Variants in FOXP2 observed in about 807,000 individuals in gnomAD.
FOXP2 encodes forkhead box P2.
In FOXP2, 12 loss-of-function variants were observed where a neutral mutation model predicts 115.8. The observed-to-expected ratio is 0.10, with a 90% CI of 0.07 to 0.17. The LOEUF is 0.17. FOXP2 is among the 10% of genes least tolerant of loss of function. The probability of loss-of-function intolerance (pLI) is 1.00; values close to 1 mark genes in which losing one functional copy is unlikely to be tolerated. For synonymous variants in FOXP2, 328 were observed against 297.7 expected, an observed-to-expected ratio of 1.10 and a Z score of -1.05; for missense variants, 629 against 843.5, an observed-to-expected ratio of 0.75 and a Z score of 3.15.
intron 2 of FOXP2, among the ~76,000 whole-genome samples, chr7:114,454,629 A>G (rs1795211378): frequency 7.3e-6 from 1 of 136,274 alleles, no homozygotes; most frequent in Non-Finnish European, 1.6e-5. Context: ...CAAATGTCCA[A>G]CAATGATAGA....
intron 3 of FOXP2, among the ~76,000 whole-genome samples, chr7:114,536,348 G>C (rs1799390738): frequency 6.7e-6 from 1 of 149,074 alleles, no homozygotes. Context: ...TATATTGCTG[G>C]TTACCAGGGT....
At chr7:114,264,793 G>A (rs1402281985) in intron 1 of FOXP2, among the ~76,000 whole-genome samples, 5 of 152,112 alleles carry the variant, frequency 3.3e-5, no homozygotes, top group African/African-American at 1.2e-4. Context: ...ACTCATGGGG[G>A]AAGGCGAAGC....
chr7:114,604,464 A>T (rs1803202063), intron 3 of FOXP2, among the ~76,000 whole-genome samples: 1 of 152,152 alleles, frequency 6.6e-6, no homozygotes, highest in African/African-American at 2.4e-5. Flanking sequence ...GTTGTTTTGG[A>T]TGGAGGGACA....
intron 2 of FOXP2, among the ~76,000 whole-genome samples, chr7:114,375,547 T>C (rs1792118179): frequency 6.6e-6 from 1 of 152,162 alleles, no homozygotes; most frequent in South Asian, 2.1e-4. Context: ...CCTCAAAACT[T>C]TGAGGCTTAA....
intron 2 of FOXP2, among the ~76,000 whole-genome samples, chr7:114,522,938 A>G (rs542451436): frequency 5.3e-5 from 8 of 152,060 alleles, no homozygotes; most frequent in African/African-American, 1.9e-4. Context: ...TTCATACTTT[A>G]CCTTACAAAC....
At chr7:114,318,710 C>CATATATATATATATATATATATAT (rs144291161) in intron 2 of FOXP2, among the ~76,000 whole-genome samples, 19 of 147,364 alleles carry the variant, frequency 1.3e-4, no homozygotes, top group African/African-American at 4.5e-4. Flanking sequence ...TTAGATAATT[C>CATATATATATATATATATATATAT]ATATATATAT....
chr7:114,300,649 G>T (rs998301298), intron 2 of FOXP2, among the ~76,000 whole-genome samples: 1 of 151,902 alleles, frequency 6.6e-6, no homozygotes, highest in East Asian at 1.9e-4. Flanking sequence ...TAGTAATAAC[G>T]ATTTAATATA....
At chr7:114,685,045 A>C (rs1487441185) in intron 16 of FOXP2, among the ~76,000 whole-genome samples, 1 of 152,068 alleles carries the variant, frequency 6.6e-6, no homozygotes, top group Non-Finnish European at 1.5e-5. Flanking sequence ...AACACTGATA[A>C]ACATCTCTTA....
At chr7:114,272,357 A>G (rs1728436) in intron 1 of FOXP2, among the ~76,000 whole-genome samples, 95,931 of 151,284 alleles carry the variant, frequency 0.63, 31,469 homozygotes, top group Middle Eastern at 0.81. Flanking sequence ...TTCTTGTAAT[A>G]TCTTTGGTTT....
At chr7:114,240,562 T>A (rs1335151809) in intron 1 of FOXP2, among the ~76,000 whole-genome samples, 2 of 152,072 alleles carry the variant, frequency 1.3e-5, no homozygotes, top group African/African-American at 4.8e-5. Flanking sequence ...ATTGTGTGCA[T>A]CATGATGTGA....
chr7:114,343,982 C>A (rs1435904221), intron 2 of FOXP2, among the ~76,000 whole-genome samples: 2 of 138,422 alleles, frequency 1.4e-5, no homozygotes, highest in Non-Finnish European at 3.2e-5. Context: ...GATTTTTGCA[C>A]ATTAATTTTT....
intron 2 of FOXP2, among the ~76,000 whole-genome samples, chr7:114,382,698 G>A (rs1792338128): frequency 6.6e-6 from 1 of 151,886 alleles, no homozygotes; most frequent in Non-Finnish European, 1.5e-5. Flanking sequence ...TTTTGCTCTG[G>A]GCCTAAGGCA....
intron 2 of FOXP2, among the ~76,000 whole-genome samples, chr7:114,291,864 TAATATATAGATAATATATAG>T: frequency 7.5e-6 from 1 of 132,482 alleles, no homozygotes; most frequent in Non-Finnish European, 1.6e-5. Flanking sequence ...ATTTTATATA[TAATATATAGATAATATATAG>T]AATATATATT....
At chr7:114,318,256 T>G (rs1797320768) in intron 2 of FOXP2, among the ~76,000 whole-genome samples, 1 of 152,100 alleles carries the variant, frequency 6.6e-6, no homozygotes, top group Admixed American at 6.6e-5. Context: ...CTGGAAATGC[T>G]TCTCCTGGAT....
At chr7:114,331,206 A>C (rs1367030421) in intron 2 of FOXP2, among the ~76,000 whole-genome samples, 1 of 152,210 alleles carries the variant, frequency 6.6e-6, no homozygotes, top group Non-Finnish European at 1.5e-5. Context: ...AACTGTAAAC[A>C]TGTTCATTTG....
rs1562858461 is a variant in FOXP2, at chr7:114,294,868, ATAC to A, written c.-11+6760_-11+6762del. 7.3e-3 allele frequency among the ~76,000 whole-genome samples: 1,100 copies of A among 150,380 alleles called. 6 individuals carry two copies. The highest frequency in any genetic ancestry group is 0.019 in the African/African-American group (768 of 40,546). ...AATAAATAAATAAATAAATAAATAC[ATAC>A]ATACATACATACATACATACATACA... is the stretch of plus-strand genomic sequence containing the variant. On this transcript the variant is annotated intron_variant, in intron 2 of 17. Coordinates refer to the FOXP2 transcript ENST00000634411.
chr7:114,107,150 A>G lies in FOXP2; in HGVS notation c.-247+19312A>G, dbSNP rs77342350. 7.7e-3 allele frequency among the ~76,000 whole-genome samples: 1,168 copies of G among 152,070 alleles called. 20 individuals carry two copies. Among genetic ancestry groups the G allele is most frequent in the Non-Finnish European group, 0.013 (890 of 67,906 alleles). On this transcript the variant is annotated intron_variant, in intron 1 of 19. Coordinates refer to the FOXP2 transcript ENST00000635638. Reference sequence around the variant, plus strand: ...GTTCTGAGGACCTGTTCCTGGGCCTATAACTAATCTGGGAATTTTACTCTT... The same window carrying G: ...GTTCTGAGGACCTGTTCCTGGGCCTGTAACTAATCTGGGAATTTTACTCTT...
intron 2 of FOXP2, among the ~76,000 whole-genome samples, chr7:114,291,228 C>T (rs143744454): frequency 1.3e-4 from 20 of 152,212 alleles, no homozygotes; most frequent in East Asian, 5.8e-4. Flanking sequence ...TCTTCTTTCT[C>T]GTGTCCTCAC....
Position 114,480,105 on chromosome 7 carries a change from T to A in FOXP2, c.168+53426T>A, listed in dbSNP as rs147079843. Among the ~76,000 whole-genome samples, 337 of 151,544 alleles carry A rather than the reference T, an allele frequency of 2.2e-3. 1 individual carries two copies. The highest frequency in any genetic ancestry group is 6.8e-3 in the Middle Eastern group (2 of 294). On this transcript the variant is annotated intron_variant, in intron 2 of 16. Transcript: ENST00000350908. ...ACACTTGGTCACTTACAATCTAGCT[T>A]TTCATCTTTGTTAAACTTGAATTCA...
Sources: gnomAD v4.1 joint callset for allele counts (sites outside exome capture counted in the v4.1 genomes callset) on GRCh38, gnomAD v4.1.1 for gene constraint, MANE v1.5 for transcripts, NCBI Gene and HGNC (gene_info 2026-07-23, HGNC 2026-07-21) for gene names.